The following TSHZ2 variants were observed in gnomAD, a reference collection of about 807,000 sequenced individuals.
The protein encoded by TSHZ2 is teashirt homolog 2.
In TSHZ2, 21 loss-of-function variants were observed where a neutral mutation model predicts 74.4. The ratio of observed to expected loss-of-function variants is 0.28; its 90% CI spans 0.20 to 0.41. TSHZ2 has a LOEUF of 0.41. TSHZ2 is among the 10% of genes least tolerant of loss of function. The pLI, the probability that TSHZ2 is intolerant of heterozygous loss-of-function variation, is 1.00. For synonymous variants in TSHZ2, 540 were observed against 515.3 expected (o/e 1.05, Z -0.65); for missense variants, 1,244 against 1,293.5 (o/e 0.96, Z 0.59).
rs966388836 is a variant in TSHZ2, at chr20:53,491,971, A to G, written c.*4836A>G. ...CCTTTGTATCATGGTTATTTGCTTA[A>G]AACAGCTTTTAGAAGTACAAGTAAT... On this transcript the variant is annotated 3_prime_UTR_variant, in exon 3 of 3. Transcript: ENST00000371497. 5 of 152,176 alleles carry G rather than the reference A, an allele frequency of 3.3e-5. No individual in the cohort carries two copies. The highest frequency in any genetic ancestry group is 3.3e-4 in the Admixed American group (5 of 15,268). The allele number at this position is 152,176 out of a possible 1,614,324, so 9.4% of individuals were successfully genotyped here. A position where few individuals can be genotyped will look rare whatever the true frequency, so the allele number is the denominator to read the frequency against.
intron 1 of TSHZ2, among the ~76,000 whole-genome samples, chr20:53,170,979 T>G (rs1459898524): frequency 2.0e-5 from 3 of 150,804 alleles, no homozygotes; most frequent in Admixed American, 2.0e-4. Flanking sequence ...CAAAAAGATA[T>G]AGTTTCAAAA....
At chr20:53,325,065 C>T (rs1979434895) in intron 2 of TSHZ2, among the ~76,000 whole-genome samples, 1 of 152,214 alleles carries the variant, frequency 6.6e-6, no homozygotes, top group Non-Finnish European at 1.5e-5. Flanking sequence ...AATCCAGAAG[C>T]AGTGTTTGGT....
chr20:53,438,217 C>A (rs1385936354), intron 2 of TSHZ2, among the ~76,000 whole-genome samples: 1 of 149,632 alleles, frequency 6.7e-6, no homozygotes, highest in Non-Finnish European at 1.5e-5. Flanking sequence ...TCAAGCAATT[C>A]TTGTGCCTCA....
At chr20:53,035,045 GTGGTGAGGGAGGCATGAACGACTTAGGAC>G (rs1983768973) in intron 1 of TSHZ2, among the ~76,000 whole-genome samples, 2 of 152,198 alleles carry the variant, frequency 1.3e-5, no homozygotes, top group Non-Finnish European at 2.9e-5. Flanking sequence ...GAGGATGGCA[GTGGTGAGGGAGGCATGAACGACTTAGGAC>G]GTGGTTTGCA....
intron 1 of TSHZ2, among the ~76,000 whole-genome samples, chr20:53,109,015 C>A (rs1168603388): frequency 6.6e-6 from 1 of 152,098 alleles, no homozygotes; most frequent in East Asian, 1.9e-4. Context: ...CTCTTTTCAG[C>A]TGGAGGTATT....
chr20:53,172,964 C>A (rs1327386350), intron 1 of TSHZ2, among the ~76,000 whole-genome samples: 1 of 152,198 alleles, frequency 6.6e-6, no homozygotes. Context: ...TAACCTTGGA[C>A]AAATTACCCT....
chr20:53,200,593 GT>G (rs1471587944), intron 1 of TSHZ2, among the ~76,000 whole-genome samples: 1 of 152,210 alleles, frequency 6.6e-6, no homozygotes, highest in Non-Finnish European at 1.5e-5. Flanking sequence ...GGATGAGGAT[GT>G]TCTGTAAGAC....
At chr20:53,352,015 A>G (rs1980662833) in intron 2 of TSHZ2, among the ~76,000 whole-genome samples, 1 of 152,210 alleles carries the variant, frequency 6.6e-6, no homozygotes. Context: ...TATGTGCACC[A>G]TAAAAGATAA....
chr20:53,128,273 G>T (rs1987002625), intron 1 of TSHZ2, among the ~76,000 whole-genome samples: 1 of 152,164 alleles, frequency 6.6e-6, no homozygotes. Flanking sequence ...ACTCATATGG[G>T]CTGAGCCATG....
intron 1 of TSHZ2, among the ~76,000 whole-genome samples, chr20:53,077,130 A>C (rs1354913396): frequency 6.6e-6 from 1 of 152,124 alleles, no homozygotes; most frequent in East Asian, 1.9e-4. Flanking sequence ...AATGCTCTGG[A>C]GGCCAGGCAC....
chr20:53,020,510 G>A (rs1039358724), intron 1 of TSHZ2, among the ~76,000 whole-genome samples: 9 of 152,160 alleles, frequency 5.9e-5, no homozygotes, highest in African/African-American at 1.9e-4. Flanking sequence ...TTGTAAAAAG[G>A]TCCGAAACCA....
At chr20:53,050,390 T>G (rs952762658) in intron 1 of TSHZ2, among the ~76,000 whole-genome samples, 1 of 152,076 alleles carries the variant, frequency 6.6e-6, no homozygotes, top group Non-Finnish European at 1.5e-5. Flanking sequence ...AAATAAAGCA[T>G]CTGATACCTT....
chr20:53,093,176 A>G (rs1300100758), intron 1 of TSHZ2, among the ~76,000 whole-genome samples: 2 of 152,206 alleles, frequency 1.3e-5, no homozygotes, highest in Non-Finnish European at 2.9e-5. Flanking sequence ...CCAATTATAC[A>G]ACCCCTCTGA....
intron 1 of TSHZ2, among the ~76,000 whole-genome samples, chr20:53,037,788 G>C (rs1019971875): frequency 2.6e-5 from 4 of 152,168 alleles, no homozygotes; most frequent in Admixed American, 1.3e-4. Context: ...GCTGGGGCAG[G>C]GCCGGTGGCC....
At chr20:53,397,882 A>T (rs1016709212) in intron 2 of TSHZ2, 3 of 152,210 alleles carry the variant, frequency 2.0e-5, no homozygotes, top group African/African-American at 7.2e-5. Context: ...AAGGACAGAA[A>T]ACCAAACACC....
At chr20:53,453,501 CTAA>C (rs1984899964) in intron 2 of TSHZ2, among the ~76,000 whole-genome samples, 2 of 151,906 alleles carry the variant, frequency 1.3e-5, no homozygotes, top group Admixed American at 1.3e-4. Context: ...TTCCTGTGCT[CTAA>C]TAATAGAGGA....
Position 53,255,222 on chromosome 20 carries a change from T to A in TSHZ2, c.1764T>A (p.Val588=). ...CAAAGTGGAAAGTGATGCCACTGGT[T>A]TCTATGCCCACACACCTGGCCCCTT... is the stretch of plus-strand genomic sequence containing the variant. The part of the protein sequence containing the change: ...IAPKWKVMPL[V]SMPTHLAPYT... Residue 588 remains valine (V), a synonymous_variant, in exon 2 of 3, where the codon GTT becomes GTA. Coordinates refer to ENST00000371497, the MANE Select transcript of TSHZ2 (RefSeq NM_173485.6). The surrounding 1 kb of genome is among the most constrained non-coding windows in gnomAD (Gnocchi z 4.1). The A allele has an allele frequency of 1.2e-6, 2 of 1,614,216 alleles. No individual in the cohort carries two copies. Among genetic ancestry groups the A allele is most frequent in the Non-Finnish European group, 1.7e-6 (2 of 1,180,034 alleles).
intron 2 of TSHZ2, among the ~76,000 whole-genome samples, chr20:53,418,425 A>G (rs1263054927): frequency 6.6e-6 from 1 of 152,220 alleles, no homozygotes; most frequent in Non-Finnish European, 1.5e-5. Context: ...GCAACTTACA[A>G]AAGAAAGAGA....
At chr20:53,310,888 C>T (rs1416559091) in intron 2 of TSHZ2, among the ~76,000 whole-genome samples, 3 of 152,188 alleles carry the variant, frequency 2.0e-5, no homozygotes, top group Non-Finnish European at 4.4e-5. Flanking sequence ...CCCACACACA[C>T]TCAAGGAGAA....
Sources: gnomAD v4.1 joint callset for allele counts (sites outside exome capture counted in the v4.1 genomes callset) on GRCh38, gnomAD v4.1.1 for gene constraint, Gnocchi (gnomAD v3.1) non-coding constraint, MANE v1.5 for transcripts, NCBI Gene and HGNC (gene_info 2026-07-23, HGNC 2026-07-21) for gene names.